The following PRKCQ variants were observed in gnomAD, a reference collection of about 807,000 sequenced individuals.
PRKCQ encodes the protein protein kinase C theta, also known as protein kinase C theta type.
In PRKCQ, 41 loss-of-function variants were observed where a neutral mutation model predicts 91.2. That is an observed-to-expected ratio of 0.45 (90% CI 0.35 to 0.58). The LOEUF (loss-of-function observed/expected upper bound fraction) is 0.58, where lower values mean the gene tolerates loss of function less well. Ranked by LOEUF, PRKCQ falls within the 20% of genes least tolerant of loss-of-function variation. The pLI is 0.00. For missense variants in PRKCQ, 673 were observed against 896.5 expected (o/e 0.75, Z 3.18); for synonymous variants, 307 against 316.9 (o/e 0.97, Z 0.33).
Position 6,428,234 on chromosome 10 carries a change from G to C in PRKCQ, c.2094C>G (p.Asn698Lys). 6.2e-7 allele frequency: 1 copy of C among 1,614,158 alleles called. No homozygotes were observed. The highest frequency in any genetic ancestry group is 1.7e-5 in the Admixed American group (1 of 60,014). Residue 698 changes from asparagine (N) to lysine (K), a missense_variant, in exon 18 of 18, where the codon AAC (asparagine) becomes AAG (lysine). By Grantham distance (94) the Asn-to-Lys change is moderately conservative. Coordinates refer to ENST00000263125, the MANE Select transcript of PRKCQ (RefSeq NM_006257.5). Reference protein sequence around the residue: ...QNMFRNFSFMNPGMERLIS With the variant: ...QNMFRNFSFMKPGMERLIS ...AGGATATCAGCCGCTCCATCCCGGGGTTCATGAAGGAAAAGTTCCTGAACA... is the reference window on the plus strand; with the variant it reads ...AGGATATCAGCCGCTCCATCCCGGGCTTCATGAAGGAAAAGTTCCTGAACA...
intron 15 of PRKCQ, among the ~76,000 whole-genome samples, chr10:6,456,053 G>A (rs193159729): frequency 3.9e-5 from 6 of 152,254 alleles, no homozygotes; most frequent in Admixed American, 2.6e-4. Context: ...TCTGTGAAAA[G>A]GGGGGAGGTG....
At chr10:6,569,116 T>C (rs1840941647) in intron 1 of PRKCQ, among the ~76,000 whole-genome samples, 1 of 152,210 alleles carries the variant, frequency 6.6e-6, no homozygotes, top group Non-Finnish European at 1.5e-5. Flanking sequence ...GATTCTAAAA[T>C]ATATGACTCA....
chr10:6,440,013 TG>T (rs1414322242), intron 16 of PRKCQ, among the ~76,000 whole-genome samples: 1 of 152,158 alleles, frequency 6.6e-6, no homozygotes, highest in Non-Finnish European at 1.5e-5. Flanking sequence ...GATTGAATCA[TG>T]GGGGCGGTTT....
chr10:6,485,171 T>C lies in PRKCQ; in HGVS notation c.999A>G (p.Leu333=), dbSNP rs746889291. Residue 333 remains leucine (L), a synonymous_variant, in exon 10 of 18, where the codon TTA becomes TTG. Coordinates refer to ENST00000263125, the MANE Select transcript of PRKCQ (RefSeq NM_006257.5). ...AGCTACCTCTTTTTCCCGGTGTCGG[T>C]AAACATGGCGGCCTTGCTTCATTTT... The part of the protein sequence containing the change: ...SIKNEARPPC[L]PTPGKREPQG... 6.2e-7 allele frequency: 1 copy of C among 1,614,042 alleles called. No homozygotes were observed. The highest frequency in any genetic ancestry group is 2.2e-5 in the East Asian group (1 of 44,880).
intron 1 of PRKCQ, among the ~76,000 whole-genome samples, chr10:6,516,482 G>A (rs1478433964): frequency 6.6e-6 from 1 of 152,206 alleles, no homozygotes; most frequent in African/African-American, 2.4e-5. Context: ...CCTTTGCCCT[G>A]TGAGTTTAGA....
chr10:6,422,038 T>C, the PRKCQ span, among the ~76,000 whole-genome samples: 3 of 152,348 alleles, frequency 2.0e-5, no homozygotes, highest in African/African-American at 7.2e-5. Context: ...ATAAGAAAAA[T>C]AAAGCAGAAG....
downstream of PRKCQ, among the ~76,000 whole-genome samples, chr10:6,423,031 C>G (rs941616802): frequency 2.6e-5 from 4 of 152,178 alleles, no homozygotes; most frequent in Non-Finnish European, 4.4e-5. Context: ...CCCAGCTCTT[C>G]ACTATGCTTA....
intron 1 of PRKCQ, among the ~76,000 whole-genome samples, chr10:6,565,003 C>T (rs1840788283): frequency 1.3e-5 from 2 of 152,198 alleles, no homozygotes; most frequent in Non-Finnish European, 2.9e-5. Context: ...TCCTCTGACT[C>T]TATCTTGCAA....
intron 1 of PRKCQ, among the ~76,000 whole-genome samples, chr10:6,577,708 C>A (rs567023826): frequency 6.6e-6 from 1 of 152,054 alleles, no homozygotes; most frequent in Non-Finnish European, 1.5e-5. Flanking sequence ...TGTTAACAAA[C>A]CAGCACATTA....
chr10:6,434,416 G>A (rs996032496), intron 16 of PRKCQ, among the ~76,000 whole-genome samples: 1 of 152,188 alleles, frequency 6.6e-6, no homozygotes, highest in Non-Finnish European at 1.5e-5. Flanking sequence ...AATGAGAAGA[G>A]CATATGGTCT....
intron 4 of PRKCQ, among the ~76,000 whole-genome samples, chr10:6,501,318 G>A (rs1248209892): frequency 1.3e-5 from 2 of 152,098 alleles, no homozygotes; most frequent in Non-Finnish European, 2.9e-5. Context: ...GATTGGGGAA[G>A]ATGCATAATG....
At position 6,479,127 on chromosome 10, in the gene PRKCQ, G is replaced by A. The variant is rs1211148985; in HGVS notation, c.1218C>T (p.Phe406=). ...CATCTTTCTTTAAGGCCTTTATTGCGAAAAATTGATTGGTTTTCTTGAATT... is the reference window on the plus strand; with the variant it reads ...CATCTTTCTTTAAGGCCTTTATTGCAAAAAATTGATTGGTTTTCTTGAATT... ...LAEFKKTNQF[F]AIKALKKDVV... is the part of the protein sequence containing the mutation. Residue 406 remains phenylalanine (F), a synonymous_variant, in exon 12 of 18, where the codon TTC becomes TTT. Transcript: ENST00000263125. The A allele has an allele frequency of 1.7e-5, 28 of 1,613,946 alleles. No homozygotes were observed. Among genetic ancestry groups the A allele is most frequent in the South Asian group, 7.7e-5 (7 of 91,074 alleles).
intron 7 of PRKCQ, among the ~76,000 whole-genome samples, chr10:6,495,265 C>T (rs1395550089): frequency 6.6e-6 from 1 of 152,190 alleles, no homozygotes; most frequent in African/African-American, 2.4e-5. Context: ...ATCATTTTTC[C>T]AGGCTCCAAA....
At chr10:6,540,954 G>A (rs562465152) in intron 1 of PRKCQ, among the ~76,000 whole-genome samples, 10 of 152,184 alleles carry the variant, frequency 6.6e-5, no homozygotes, top group Non-Finnish European at 1.2e-4. Flanking sequence ...GATTTGTGTT[G>A]TATTTCCCTA....
chr10:6,464,539 T>A, intron 12 of PRKCQ, 135 bp from the exon 13 acceptor site: 1 of 682,026 alleles, frequency 1.5e-6, no homozygotes. Context: ...AACCTCCGCC[T>A]CCTGGCTTCA....
intron 15 of PRKCQ, among the ~76,000 whole-genome samples, chr10:6,442,762 G>A (rs1226484423): frequency 3.3e-5 from 5 of 152,294 alleles, no homozygotes; most frequent in African/African-American, 1.2e-4. Flanking sequence ...GGGAGTTTGA[G>A]ACCAGCCTGG....
At chr10:6,420,632 C>T in the PRKCQ span, among the ~76,000 whole-genome samples, 2 of 152,134 alleles carry the variant, frequency 1.3e-5, no homozygotes, top group Admixed American at 6.5e-5. Context: ...CTATTATATT[C>T]TAACATTTGA....
At chr10:6,431,862 C>G (rs1229872756) in intron 16 of PRKCQ, among the ~76,000 whole-genome samples, 3 of 152,228 alleles carry the variant, frequency 2.0e-5, no homozygotes, top group African/African-American at 7.2e-5. Flanking sequence ...CTGGCACATA[C>G]ATACATATGT....
chr10:6,467,200 G>A (rs766780565), intron 12 of PRKCQ, among the ~76,000 whole-genome samples: 18 of 151,992 alleles, frequency 1.2e-4, no homozygotes, highest in African/African-American at 3.4e-4. Flanking sequence ...TTCTCTGGCC[G>A]ATGGCTCTCG....
Sources: gnomAD v4.1 joint callset for allele counts (sites outside exome capture counted in the v4.1 genomes callset) on GRCh38, gnomAD v4.1.1 for gene constraint, MANE v1.5 for transcripts, NCBI Gene and HGNC (gene_info 2026-07-23, HGNC 2026-07-21) for gene names.